Variants in MPHOSPH6 observed in about 807,000 individuals in gnomAD.
The protein encoded by MPHOSPH6 is M-phase phosphoprotein 6.
A neutral mutation model predicts 21.8 loss-of-function variants in MPHOSPH6; 25 were observed. The observed-to-expected ratio is 1.15, with a 90% CI of 0.83 to 1.60. MPHOSPH6 has a LOEUF of 1.60. Ranked by LOEUF, MPHOSPH6 falls within the 40% of genes most tolerant of loss-of-function variation. The probability of loss-of-function intolerance (pLI) is 0.00; values close to 1 mark genes in which losing one functional copy is unlikely to be tolerated. For missense variants in MPHOSPH6, 269 were observed against 181.8 expected (o/e 1.48, Z -2.76); for synonymous variants, 84 against 56.5 (o/e 1.49, Z -2.18).
chr16:82,163,594 C>G (rs2142416180), intron 2 of MPHOSPH6, among the ~76,000 whole-genome samples: 1 of 152,270 alleles, frequency 6.6e-6, no homozygotes, highest in East Asian at 1.9e-4. Context: ...AGTGTTTAGC[C>G]CAGTTCCTGG....
At chr16:82,164,417 TTTCC>T (rs1282108566) in intron 1 of MPHOSPH6, among the ~76,000 whole-genome samples, 1 of 152,226 alleles carries the variant, frequency 6.6e-6, no homozygotes, top group African/African-American at 2.4e-5. Context: ...ACAATGTATA[TTTCC>T]TTCGGAAAAC....
At chr16:82,153,265 C>CTG (rs1485036334) in intron 2 of MPHOSPH6, among the ~76,000 whole-genome samples, 1 of 152,198 alleles carries the variant, frequency 6.6e-6, no homozygotes, top group East Asian at 1.9e-4. Context: ...CCATCCCTAG[C>CTG]TGTAGGGGAG....
rs569156083 is a variant in MPHOSPH6 at position 82,163,234 on chromosome 16, G to C, written c.164+848C>G. 5.9e-5 allele frequency among the ~76,000 whole-genome samples: 9 copies of C among 152,312 alleles called. No individual in the cohort carries two copies. In the South Asian group the frequency reaches 1.9e-3, roughly 32 times the overall value. ...AAACACATAAATGTGCCTCAAGACA[G>C]TAAGCAGCATCTTCAGTCATTTGAC... is the stretch of plus-strand genomic sequence containing the variant. On this transcript the variant is annotated intron_variant, in intron 2 of 4. Coordinates refer to ENST00000258169, the MANE Select transcript of MPHOSPH6 (RefSeq NM_005792.2).
chr16:82,166,951 T>C (rs1906801278), intron 1 of MPHOSPH6, among the ~76,000 whole-genome samples: 2 of 152,156 alleles, frequency 1.3e-5, no homozygotes, highest in African/African-American at 4.8e-5. Flanking sequence ...TCTAGAGCAT[T>C]TCAGAACACA....
chr16:82,168,672 A>G (rs538828804), intron 1 of MPHOSPH6, among the ~76,000 whole-genome samples: 1 of 152,240 alleles, frequency 6.6e-6, no homozygotes, highest in South Asian at 2.1e-4. Flanking sequence ...GGGTTTCACC[A>G]TGTTGCCCAG....
chr16:82,162,964 C>T (rs1308201069), intron 2 of MPHOSPH6, among the ~76,000 whole-genome samples: 1 of 151,848 alleles, frequency 6.6e-6, no homozygotes, highest in Non-Finnish European at 1.5e-5. Context: ...AATTATAGCT[C>T]CAGCAGCAAA....
intron 1 of MPHOSPH6, among the ~76,000 whole-genome samples, chr16:82,168,007 C>T (rs574134212): frequency 1.3e-5 from 2 of 152,306 alleles, no homozygotes; most frequent in African/African-American, 4.8e-5. Context: ...GCTATCTTGC[C>T]AGTAAGTTTT....
chr16:82,149,151 T>C (rs16956527), intron 4 of MPHOSPH6, among the ~76,000 whole-genome samples, 158 bp downstream of exon 4: 21,872 of 152,186 alleles, frequency 0.14, 2,247 homozygotes, highest in Admixed American at 0.34. Context: ...GACAGGTCTG[T>C]GGCCCCCGTA....
At chr16:82,158,443 G>A (rs548830117) in intron 2 of MPHOSPH6, among the ~76,000 whole-genome samples, 148 of 147,316 alleles carry the variant, frequency 1.0e-3, no homozygotes, top group African/African-American at 3.7e-3. Flanking sequence ...AGTTTGCAGT[G>A]AGCGGAGATC....
chr16:82,156,646 A>C (rs1486281543), intron 2 of MPHOSPH6, among the ~76,000 whole-genome samples: 1 of 152,236 alleles, frequency 6.6e-6, no homozygotes, highest in East Asian at 1.9e-4. Context: ...CCTTAGTGAA[A>C]GTGTAAAATC....
intron 2 of MPHOSPH6, among the ~76,000 whole-genome samples, chr16:82,158,066 C>A (rs1906486437): frequency 6.6e-6 from 1 of 152,176 alleles, no homozygotes; most frequent in Admixed American, 6.5e-5. Flanking sequence ...CAGGCCCTCA[C>A]AGTTCAAAGA....
chr16:82,158,570 A>T (rs1173232658), intron 2 of MPHOSPH6, among the ~76,000 whole-genome samples: 1 of 151,574 alleles, frequency 6.6e-6, no homozygotes, highest in Non-Finnish European at 1.5e-5. Context: ...GTGTGACTGA[A>T]CCGAGAGATG....
At chr16:82,151,149 C>T (rs757321844) in intron 3 of MPHOSPH6, 20 of 240,486 alleles carry the variant, frequency 8.3e-5, no homozygotes, top group Non-Finnish European at 1.1e-4. Context: ...AAAATCTTGA[C>T]GTTCCTGTAA....
chr16:82,150,678 A>T (rs910374321), intron 3 of MPHOSPH6, among the ~76,000 whole-genome samples: 2 of 152,192 alleles, frequency 1.3e-5, no homozygotes, highest in African/African-American at 4.8e-5. Context: ...GTTGGTAGAG[A>T]ACAGAGGACA....
rs149940573 is a variant in MPHOSPH6, at chr16:82,161,986, C to G, written c.164+2096G>C. On this transcript the variant is annotated intron_variant, in intron 2 of 4. Transcript: ENST00000258169. ...AATTCACAGAATAGTTAAGACAACA[C>G]TAGCAAAAAAGGATACACAAACATA... Among the ~76,000 whole-genome samples the G allele has an allele frequency of 2.1e-4, 32 of 152,236 alleles. No homozygotes were observed. The East Asian group carries it at 3.7e-3, about 17-fold the overall frequency.
intron 2 of MPHOSPH6, among the ~76,000 whole-genome samples, chr16:82,156,097 G>C (rs1222374612): frequency 6.6e-6 from 1 of 152,032 alleles, no homozygotes; most frequent in Non-Finnish European, 1.5e-5. Context: ...CATTAGACGA[G>C]AGTCATAAGG....
At chr16:82,161,223 C>T (rs1906596798) in intron 2 of MPHOSPH6, among the ~76,000 whole-genome samples, 1 of 152,142 alleles carries the variant, frequency 6.6e-6, no homozygotes, top group Non-Finnish European at 1.5e-5. Flanking sequence ...TCTTTTGTTA[C>T]AGGGACCCCA....
rs544381316 is a variant in MPHOSPH6, at chr16:82,167,804, C to G, written c.51+2321G>C. On this transcript the variant is annotated intron_variant, in intron 1 of 4. Coordinates refer to ENST00000258169, the MANE Select transcript of MPHOSPH6 (RefSeq NM_005792.2). ...CTGTAAATACAGATGAAGTTTCGCTCGCTTGCCTGCCCGCTGCTCACTTCC... is the reference window on the plus strand; with the variant it reads ...CTGTAAATACAGATGAAGTTTCGCTGGCTTGCCTGCCCGCTGCTCACTTCC... Among the ~76,000 whole-genome samples the G allele has an allele frequency of 6.6e-5, 10 of 152,282 alleles. No individual in the cohort carries two copies. The South Asian group carries it at 1.5e-3, about 22-fold the overall frequency.
In MPHOSPH6 at chr16:82,149,376, G is replaced by C; in HGVS notation, c.283C>G (p.His95Asp). 1 of 1,612,656 alleles carries C rather than the reference G, an allele frequency of 6.2e-7. No homozygotes were observed. Among genetic ancestry groups the C allele is most frequent in the Non-Finnish European group, 8.5e-7 (1 of 1,180,016 alleles). The change falls in exon 4 of 5, where the codon CAC becomes GAC. Residue 95 changes from histidine to aspartate, a missense_variant. By Grantham distance (81) the His-to-Asp change is moderately conservative. Transcript: ENST00000258169. The part of the protein sequence containing the change: ...EKLMLQMNAK[H>D]KAEEVEDETV... ...TCATCTTCAACTTCTTCTGCTTTGT[G>C]CTTAGCATTCATCTGAAGCATCAAT...
Sources: gnomAD v4.1 joint callset for allele counts (sites outside exome capture counted in the v4.1 genomes callset) on GRCh38, gnomAD v4.1.1 for gene constraint, MANE v1.5 for transcripts, NCBI Gene and HGNC (gene_info 2026-07-23, HGNC 2026-07-21) for gene names.